LYST: variants seen among roughly 807,000 people sequenced by gnomAD.
LYST encodes the protein lysosomal trafficking regulator.
A neutral mutation model predicts 413.6 loss-of-function variants in LYST; 192 were observed. The ratio of observed to expected loss-of-function variants is 0.46; its 90% CI spans 0.41 to 0.52. LYST has a LOEUF of 0.52. LYST is among the 20% of genes least tolerant of loss of function. LYST has a pLI of 0.00. For synonymous variants in LYST, 1,525 were observed against 1,567.3 expected, an observed-to-expected ratio of 0.97 and a Z score of 0.64; for missense variants, 3,815 against 4,499.9, an observed-to-expected ratio of 0.85 and a Z score of 4.35.
At chr1:235,856,538 A>G (rs1208162656) in intron 1 of LYST, among the ~76,000 whole-genome samples, 1 of 152,234 alleles carries the variant, frequency 6.6e-6, no homozygotes, top group Non-Finnish European at 1.5e-5. Flanking sequence ...GTAAGTATCA[A>G]CATTAATTTA....
At chr1:235,702,643 C>T in intron 45 of LYST, 104 bp downstream of exon 45, 2 of 967,628 alleles carry the variant, frequency 2.1e-6, no homozygotes, top group Non-Finnish European at 3.3e-6. Context: ...GACTGGCACA[C>T]AGCTTTAGGC....
chr1:235,791,878 G>A lies in LYST; in HGVS notation c.4364C>T (p.Pro1455Leu). The A allele has an allele frequency of 6.2e-7, 1 of 1,614,132 alleles. No homozygotes were observed. Among genetic ancestry groups the A allele is most frequent in the Non-Finnish European group, 8.5e-7 (1 of 1,179,994 alleles). The change falls in exon 12 of 53, where the codon CCA (proline) becomes CTA (leucine). Residue 1455 changes from proline to leucine, a missense_variant. Transcript: ENST00000389793. ...HRLLSSWHIAPVHLPLLGQNC... is the reference protein window; with the variant it reads ...HRLLSSWHIALVHLPLLGQNC... ...TTGCCCCAGCAACGGCAGGTGGACTGGGGCTATGTGCCAAGATGAAAGCAG... is the reference window on the plus strand; with the variant it reads ...TTGCCCCAGCAACGGCAGGTGGACTAGGGCTATGTGCCAAGATGAAAGCAG...
At chr1:235,853,191 A>G (rs1364670570) in intron 1 of LYST, 2 of 167,000 alleles carry the variant, frequency 1.2e-5, no homozygotes, top group East Asian at 3.8e-4. Context: ...ACCAAAAAGT[A>G]AATGACTTGG....
At position 235,662,853 on chromosome 1, in the gene LYST, C is replaced by T; in HGVS notation, c.*87G>A. On this transcript the variant is annotated 3_prime_UTR_variant, in exon 53 of 53. Transcript: ENST00000389793. ...GGATGGTTTGTCCAGTCATCCATTT[C>T]TTTAGGTTCAACCTCCTAAAACTGG... 2.5e-6 allele frequency: 2 copies of T among 809,662 alleles called. No homozygotes were observed. The highest frequency in any genetic ancestry group is 4.5e-6 in the Non-Finnish European group (2 of 446,696). 50.2% of individuals were successfully genotyped at this position (809,662 alleles called of 1,614,324 possible).
At position 235,741,407 on chromosome 1, in the gene LYST, A is replaced by G. The variant is rs1402855204; in HGVS notation, c.8358+15T>C. On this transcript the variant is annotated intron_variant, in intron 31 of 52. Coordinates refer to ENST00000389793, the MANE Select transcript of LYST (RefSeq NM_000081.4). The stretch of plus-strand genomic sequence containing the variant: ...CCAAACGTTTTACTTCTCTTATCAA[A>G]GCTGAGATACTTACTTGTAGGGATG... 1.9e-6 allele frequency: 3 copies of G among 1,597,940 alleles called. No individual in the cohort carries two copies. Among genetic ancestry groups the G allele is most frequent in the Non-Finnish European group, 2.6e-6 (3 of 1,165,546 alleles).
intron 48 of LYST, among the ~76,000 whole-genome samples, chr1:235,685,812 C>A (rs1660170727): frequency 6.6e-6 from 1 of 150,384 alleles, no homozygotes; most frequent in African/African-American, 2.4e-5. Context: ...CACCATTGCA[C>A]TCTGGCCTGG....
intron 50 of LYST, 136 bp downstream of exon 50, chr1:235,676,955 T>C: frequency 1.4e-6 from 1 of 720,486 alleles, no homozygotes. Context: ...TGTATTTCTA[T>C]ACACATACAT....
At chr1:235,743,915 G>A in intron 30 of LYST, 64 bp downstream of exon 30, 5 of 928,384 alleles carry the variant, frequency 5.4e-6, no homozygotes, top group Non-Finnish European at 8.8e-6. Flanking sequence ...GTATAATACA[G>A]TCAACATAAA....
intron 7 of LYST, 83 bp downstream of exon 7, chr1:235,804,421 T>G: frequency 1.9e-5 from 20 of 1,055,294 alleles, no homozygotes; most frequent in Non-Finnish European, 3.0e-5. Context: ...TCTAATGACA[T>G]TCATCAGCGT....
intron 1 of LYST, among the ~76,000 whole-genome samples, chr1:235,861,686 C>T (rs1320580808): frequency 6.6e-6 from 1 of 152,022 alleles, no homozygotes; most frequent in Admixed American, 6.6e-5. Context: ...TTAGAGATGA[C>T]GTGTTGCTGT....
chr1:235,759,284 A>C lies in LYST; in HGVS notation c.6569T>G (p.Val2190Gly). 1 of 1,614,128 alleles carries C rather than the reference A, an allele frequency of 6.2e-7. No individual in the cohort carries two copies. Among genetic ancestry groups the C allele is most frequent in the Non-Finnish European group, 8.5e-7 (1 of 1,180,006 alleles). ...VLSAQVSVSD[V>G]PKGVLGFPVV... ...TGGAAATCCCAGCACTCCCTTTGGG[A>C]CATCACTGACAGAGACCTGGGCTGA... Residue 2190 changes from valine to glycine, a missense_variant, in exon 23 of 53, where the codon GTC (valine) becomes GGC (glycine). Physicochemically the swap from Val to Gly is moderately radical, Grantham distance 109. This residue lies in a region of LYST where 771 missense variants were observed against 837.1 expected (regional missense o/e 0.92). Transcript: ENST00000389793.
intron 50 of LYST, among the ~76,000 whole-genome samples, chr1:235,666,490 G>T (rs920139140): frequency 2.0e-5 from 3 of 151,896 alleles, no homozygotes; most frequent in Non-Finnish European, 4.4e-5. Flanking sequence ...TAGTGGTGAT[G>T]GCTGCACAAC....
intron 40 of LYST, among the ~76,000 whole-genome samples, chr1:235,718,363 CTTTT>C (rs549670425): frequency 6.9e-6 from 1 of 145,454 alleles, no homozygotes; most frequent in African/African-American, 2.5e-5. Context: ...AGCATATTCA[CTTTT>C]TTTTTTTTTC....
chr1:235,689,627 G>C (rs956773861), intron 47 of LYST, among the ~76,000 whole-genome samples: 7 of 152,202 alleles, frequency 4.6e-5, no homozygotes, highest in African/African-American at 9.7e-5. Flanking sequence ...CTTGAAATTT[G>C]CTAAGATAGT....
chr1:235,695,388 T>C (rs561040153), intron 46 of LYST, among the ~76,000 whole-genome samples: 3 of 152,342 alleles, frequency 2.0e-5, no homozygotes, highest in Non-Finnish European at 4.4e-5. Context: ...GAGGAAACTG[T>C]TCTATTAAAC....
chr1:235,717,799 A>C (rs1662976173), intron 40 of LYST, among the ~76,000 whole-genome samples: 1 of 152,124 alleles, frequency 6.6e-6, no homozygotes, highest in Non-Finnish European at 1.5e-5. Context: ...TTTTCTAATC[A>C]TAAAAACCTT....
chr1:235,869,315 A>G (rs1029124203), upstream of LYST, among the ~76,000 whole-genome samples: 2 of 152,268 alleles, frequency 1.3e-5, no homozygotes, highest in African/African-American at 2.4e-5. Flanking sequence ...TACTAAAAAT[A>G]CAAAAAATTA....
At chr1:235,770,640 T>A (rs891818747) in intron 19 of LYST, among the ~76,000 whole-genome samples, 2 of 152,218 alleles carry the variant, frequency 1.3e-5, no homozygotes, top group African/African-American at 4.8e-5. Flanking sequence ...AAATAATTTA[T>A]GTTCAAAGAG....
chr1:235,738,996 C>A, intron 31 of LYST: 1 of 709,760 alleles, frequency 1.4e-6, no homozygotes, highest in Non-Finnish European at 2.7e-6. Flanking sequence ...TTAAAGTCTT[C>A]TGATGTCATA....
Sources: gnomAD v4.1 joint callset for allele counts (sites outside exome capture counted in the v4.1 genomes callset) on GRCh38, gnomAD v4.1.1 for gene constraint, gnomAD v4.1.1 regional missense constraint, MANE v1.5 for transcripts, NCBI Gene and HGNC (gene_info 2026-07-23, HGNC 2026-07-21) for gene names.